Variants in SLC24A3 observed in about 807,000 individuals in gnomAD.
SLC24A3 encodes the protein solute carrier family 24 member 3, also known as sodium/potassium/calcium exchanger 3.
SLC24A3 carries 28 observed loss-of-function variants against 75.8 expected under a neutral mutation model. The ratio of observed to expected loss-of-function variants is 0.37; its 90% CI spans 0.27 to 0.51. The LOEUF (loss-of-function observed/expected upper bound fraction) is 0.51. Among genes scored for constraint, SLC24A3 ranks in the 20% least tolerant of loss-of-function variants. SLC24A3 has a pLI of 0.94. For synonymous variants in SLC24A3, 372 were observed against 334.1 expected, an observed-to-expected ratio of 1.11 and a Z score of -1.24; for missense variants, 663 against 847.8, an observed-to-expected ratio of 0.78 and a Z score of 2.71.
intron 2 of SLC24A3, among the ~76,000 whole-genome samples, chr20:19,367,205 C>T (rs1170864259): frequency 6.6e-6 from 1 of 152,196 alleles, no homozygotes; most frequent in Non-Finnish European, 1.5e-5. Context: ...CAGAAGTGGA[C>T]AGAAGGAAGT....
intron 2 of SLC24A3, among the ~76,000 whole-genome samples, chr20:19,442,549 T>C (rs1323167694): frequency 6.6e-6 from 1 of 152,242 alleles, no homozygotes; most frequent in African/African-American, 2.4e-5. Context: ...CACTTTTTAA[T>C]TGGGTTGTTT....
At chr20:19,474,669 G>A (rs550263755) in intron 2 of SLC24A3, among the ~76,000 whole-genome samples, 1 of 152,232 alleles carries the variant, frequency 6.6e-6, no homozygotes, top group African/African-American at 2.4e-5. Flanking sequence ...GTGTATATTA[G>A]GGGATGATTA....
At chr20:19,639,893 C>T (rs1421270244) in intron 6 of SLC24A3, among the ~76,000 whole-genome samples, 1 of 152,268 alleles carries the variant, frequency 6.6e-6, no homozygotes, top group African/African-American at 2.4e-5. Context: ...CCCTCATTAC[C>T]TGGGCCGGCA....
At chr20:19,423,264 C>A (rs1446610206) in intron 2 of SLC24A3, among the ~76,000 whole-genome samples, 1 of 152,194 alleles carries the variant, frequency 6.6e-6, no homozygotes, top group Non-Finnish European at 1.5e-5. Context: ...AGGGGCTGAG[C>A]TCAGAAGGGG....
At chr20:19,432,533 G>A (rs61325581) in intron 2 of SLC24A3, among the ~76,000 whole-genome samples, 4,104 of 152,084 alleles carry the variant, frequency 0.027, 158 homozygotes, top group East Asian at 0.1. Flanking sequence ...ACCACTCTCT[G>A]CCTATCTAAA....
chr20:19,647,937 G>A (rs1397336991), intron 6 of SLC24A3, among the ~76,000 whole-genome samples: 1 of 152,168 alleles, frequency 6.6e-6, no homozygotes, highest in Non-Finnish European at 1.5e-5. Context: ...GATTTAAAAT[G>A]TGAATTTATT....
At chr20:19,612,998 C>G (rs2031690763) in intron 6 of SLC24A3, among the ~76,000 whole-genome samples, 1 of 152,202 alleles carries the variant, frequency 6.6e-6, no homozygotes, top group Non-Finnish European at 1.5e-5. Context: ...TTGGCACCTG[C>G]TCTGACTTTG....
intron 2 of SLC24A3, among the ~76,000 whole-genome samples, chr20:19,375,983 G>A (rs1395373956): frequency 6.6e-6 from 1 of 152,178 alleles, no homozygotes; most frequent in Admixed American, 6.5e-5. Flanking sequence ...CGTGTCTTGA[G>A]AGAGACTGAA....
In SLC24A3 at chr20:19,296,333, C is replaced by A. The variant is rs184986578; in HGVS notation, c.271+15246C>A. Among the ~76,000 whole-genome samples the A allele has an allele frequency of 2.7e-3, 315 of 116,868 alleles. 1 individual carries two copies. Among genetic ancestry groups the A allele is most frequent in the African/African-American group, 0.01 (304 of 30,056 alleles). 76.7% of individuals were successfully genotyped at this position (116,868 alleles called of 152,430 possible). ...TTCATGGATTTTTTGAAGGGTTTCTCATGTCTCTGTCTCCTTCAGTTCCAC... is the reference window on the plus strand; with the variant it reads ...TTCATGGATTTTTTGAAGGGTTTCTAATGTCTCTGTCTCCTTCAGTTCCAC... On this transcript the variant is annotated intron_variant, in intron 2 of 16. Coordinates refer to ENST00000328041, the MANE Select transcript of SLC24A3 (RefSeq NM_020689.4).
intron 2 of SLC24A3, among the ~76,000 whole-genome samples, chr20:19,410,315 A>G (rs1986720921): frequency 6.6e-6 from 1 of 152,180 alleles, no homozygotes; most frequent in Non-Finnish European, 1.5e-5. Flanking sequence ...GAGGAAGCGA[A>G]CCCAGCGTGC....
Position 19,410,325 on chromosome 20 carries a change from C to T in SLC24A3, c.272-105163C>T, listed in dbSNP as rs1010457753. 8.9e-4 allele frequency among the ~76,000 whole-genome samples: 135 copies of T among 152,044 alleles called. 2 individuals carry two copies. The highest frequency in any genetic ancestry group is 8.6e-3 in the Admixed American group (131 of 15,258). On this transcript the variant is annotated intron_variant, in intron 2 of 16. Transcript: ENST00000328041. Reference sequence around the variant, plus strand: ...TCCTTGAGGAAGCGAACCCAGCGTGCGGTCATGGCCTCCAAAAGATAGAAG... The same window carrying T: ...TCCTTGAGGAAGCGAACCCAGCGTGTGGTCATGGCCTCCAAAAGATAGAAG...
chr20:19,321,103 A>G (rs907739096), intron 2 of SLC24A3, among the ~76,000 whole-genome samples: 3 of 151,824 alleles, frequency 2.0e-5, no homozygotes, highest in African/African-American at 4.9e-5. Flanking sequence ...ATATATATGT[A>G]TTTATATATA....
chr20:19,575,083 C>CTT (rs1358875417), intron 3 of SLC24A3, among the ~76,000 whole-genome samples: 1 of 151,286 alleles, frequency 6.6e-6, no homozygotes, highest in Non-Finnish European at 1.5e-5. Context: ...AACTCTGACT[C>CTT]TAAAAAAAAT....
intron 1 of SLC24A3, among the ~76,000 whole-genome samples, chr20:19,273,819 A>T (rs1446449740): frequency 6.6e-6 from 1 of 151,680 alleles, no homozygotes; most frequent in Non-Finnish European, 1.5e-5. Flanking sequence ...GGATGCTGAG[A>T]ACACCCCCTT....
intron 6 of SLC24A3, among the ~76,000 whole-genome samples, chr20:19,644,238 G>A (rs990681469): frequency 2.6e-5 from 4 of 152,156 alleles, no homozygotes; most frequent in African/African-American, 7.2e-5. Context: ...GGGGAGGGCC[G>A]TGGACCTCCT....
rs868106660 is a variant in SLC24A3, at chr20:19,424,748, A to C, written c.272-90740A>C. Among the ~76,000 whole-genome samples the C allele has an allele frequency of 1.7e-3, 171 of 102,052 alleles. 2 individuals carry two copies. The highest frequency in any genetic ancestry group is 0.011 in the African/African-American group (163 of 15,328). 67.0% of individuals were successfully genotyped at this position (102,052 alleles called of 152,430 possible). ...TTTCTCAAAAAAAAAACAACAACAAAAAAAAAAAAAAAAAAAAAAAAAACT... is the reference window on the plus strand; with the variant it reads ...TTTCTCAAAAAAAAAACAACAACAACAAAAAAAAAAAAAAAAAAAAAAACT... On this transcript the variant is annotated intron_variant, in intron 2 of 16. Transcript: ENST00000328041.
intron 6 of SLC24A3, among the ~76,000 whole-genome samples, chr20:19,616,822 G>A (rs1260791626): frequency 6.6e-6 from 1 of 152,100 alleles, no homozygotes; most frequent in Non-Finnish European, 1.5e-5. Context: ...TCTGTCCAAG[G>A]TGCTACTTAG....
chr20:19,286,237 G>A (rs1473542840), intron 2 of SLC24A3, among the ~76,000 whole-genome samples: 2 of 152,142 alleles, frequency 1.3e-5, no homozygotes, highest in Non-Finnish European at 2.9e-5. Context: ...TGACTGGCCC[G>A]AAGCCCACAG....
At chr20:19,513,141 G>A (rs574710711) in intron 2 of SLC24A3, among the ~76,000 whole-genome samples, 11 of 152,222 alleles carry the variant, frequency 7.2e-5, no homozygotes, top group Admixed American at 3.3e-4. Context: ...TTCTCCTCCA[G>A]GAGAGTGGCA....
Sources: allele counts gnomAD v4.1 joint callset (sites outside exome capture counted in the v4.1 genomes callset), GRCh38; gene constraint gnomAD v4.1.1; transcripts MANE v1.5; gene names NCBI Gene and HGNC (gene_info 2026-07-23, HGNC 2026-07-21).